STK3: variants seen among roughly 807,000 people sequenced by gnomAD.
STK3 encodes the protein serine/threonine-protein kinase 3.
Under a neutral mutation model 58.0 loss-of-function variants are expected in STK3, and 41 were observed. The observed-to-expected ratio is 0.71, with a 90% CI of 0.55 to 0.92. The LOEUF (loss-of-function observed/expected upper bound fraction) is 0.92. STK3 is among the 40% of genes least tolerant of loss of function. STK3 has a pLI of 0.00. For missense variants in STK3, 479 were observed against 602.7 expected (o/e 0.79, Z 2.15); for synonymous variants, 170 against 191.0 (o/e 0.89, Z 0.91).
intron 8 of STK3, among the ~76,000 whole-genome samples, chr8:98,564,608 G>A (rs945589516): frequency 2.6e-5 from 4 of 152,086 alleles, no homozygotes; most frequent in African/African-American, 7.2e-5. Context: ...TTTCAAAATG[G>A]CAGAAGATTT....
At chr8:98,562,482 A>G (rs988200324) in intron 8 of STK3, among the ~76,000 whole-genome samples, 1 of 152,094 alleles carries the variant, frequency 6.6e-6, no homozygotes, top group Non-Finnish European at 1.5e-5. Context: ...TATAAATGGT[A>G]AACAGATCAG....
intron 6 of STK3, among the ~76,000 whole-genome samples, chr8:98,614,596 G>A (rs1817504772): frequency 6.7e-6 from 1 of 149,658 alleles, no homozygotes; most frequent in South Asian, 2.1e-4. Context: ...AGGCCAGTGG[G>A]TGTGCGCACC....
intron 1 of STK3, among the ~76,000 whole-genome samples, chr8:98,898,795 TA>T (rs2131946511): frequency 6.6e-6 from 1 of 152,286 alleles, no homozygotes; most frequent in South Asian, 2.1e-4. Flanking sequence ...CTCCAGTATT[TA>T]AAACGAAAGA....
At chr8:98,772,420 C>T (rs866981316) in intron 2 of STK3, among the ~76,000 whole-genome samples, 13 of 152,154 alleles carry the variant, frequency 8.5e-5, no homozygotes, top group Middle Eastern at 3.4e-3. Flanking sequence ...TGTGGCAGGC[C>T]GGGTGCAGTG....
At chr8:98,556,841 C>G (rs946309772) in intron 8 of STK3, among the ~76,000 whole-genome samples, 2 of 151,936 alleles carry the variant, frequency 1.3e-5, no homozygotes, top group African/African-American at 4.8e-5. Flanking sequence ...AAGAAATCAC[C>G]AAAGAGGAAT....
chr8:98,429,556 C>T (rs1300018672), intron 3 of STK3: 4 of 620,554 alleles, frequency 6.4e-6, no homozygotes, highest in Non-Finnish European at 1.1e-5. Context: ...ACCCAGGTTT[C>T]TTTTACAGTT....
At chr8:98,721,040 C>A (rs758930001) in intron 4 of STK3, 9 of 940,498 alleles carry the variant, frequency 9.6e-6, no homozygotes, top group Admixed American at 1.2e-4. Flanking sequence ...AACAAATATA[C>A]CTGTTAATGA....
At chr8:98,746,353 G>T (rs1281383524) in intron 4 of STK3, among the ~76,000 whole-genome samples, 2 of 152,102 alleles carry the variant, frequency 1.3e-5, no homozygotes, top group African/African-American at 4.8e-5. Context: ...AGACCCACAG[G>T]AGATTAACAT....
chr8:98,655,000 G>GAA (rs1207671682), intron 6 of STK3, among the ~76,000 whole-genome samples: 2 of 146,858 alleles, frequency 1.4e-5, no homozygotes, highest in Non-Finnish European at 3.0e-5. Context: ...AGTTCATATG[G>GAA]AAAAAAAAAA....
At chr8:98,370,072 C>T (rs1209678155), downstream of STK3, among the ~76,000 whole-genome samples, 1 of 144,254 alleles carries the variant, frequency 6.9e-6, no homozygotes, top group Non-Finnish European at 1.5e-5. Context: ...AGTCAGACAT[C>T]AAAAATGGGA....
chr8:98,746,704 AC>A (rs1829665391), intron 4 of STK3, among the ~76,000 whole-genome samples: 1 of 152,202 alleles, frequency 6.6e-6, no homozygotes, highest in African/African-American at 2.4e-5. Flanking sequence ...AAAAGGAATC[AC>A]TAACCTAGAA....
At chr8:98,451,901 A>C (rs1819217582), downstream of STK3, among the ~76,000 whole-genome samples, 2 of 54,196 alleles carry the variant, frequency 3.7e-5, no homozygotes, top group Admixed American at 2.5e-4. Context: ...AAAAAAAACA[A>C]AAAAAAAAAC....
At chr8:98,649,764 G>A (rs1205603413) in intron 6 of STK3, among the ~76,000 whole-genome samples, 1 of 152,044 alleles carries the variant, frequency 6.6e-6, no homozygotes, top group Admixed American at 6.6e-5. Flanking sequence ...AACTAGAACT[G>A]CAATTAACTT....
intron 1 of STK3, among the ~76,000 whole-genome samples, chr8:98,923,322 C>T (rs527685607): frequency 1.3e-5 from 2 of 152,244 alleles, no homozygotes; most frequent in South Asian, 4.1e-4. Context: ...TTCATCAGAG[C>T]TCCAGTGAAA....
At chr8:98,719,173 T>C (rs1282231013) in intron 4 of STK3, among the ~76,000 whole-genome samples, 1 of 152,076 alleles carries the variant, frequency 6.6e-6, no homozygotes, top group African/African-American at 2.4e-5. Flanking sequence ...GTGGTGGTGC[T>C]GTCATGTGCA....
chr8:98,499,088 C>T (rs891465073), intron 10 of STK3, among the ~76,000 whole-genome samples: 3 of 152,090 alleles, frequency 2.0e-5, no homozygotes, highest in Non-Finnish European at 1.5e-5. Flanking sequence ...AAAAGACAAC[C>T]TTGGAAGCAG....
At chr8:98,588,728 G>T (rs1814930089) in intron 7 of STK3, among the ~76,000 whole-genome samples, 1 of 151,182 alleles carries the variant, frequency 6.6e-6, no homozygotes, top group African/African-American at 2.4e-5. Context: ...ATCACTTTCA[G>T]GTACACCAAT....
chr8:98,429,009 T>A, intron 3 of STK3: 2 of 1,614,040 alleles, frequency 1.2e-6, no homozygotes, highest in Non-Finnish European at 8.5e-7. Context: ...TTCCATCTTC[T>A]CCGTGGTGGC....
chr8:98,718,933 C>CT, intron 4 of STK3, among the ~76,000 whole-genome samples: 1 of 152,182 alleles, frequency 6.6e-6, no homozygotes, highest in South Asian at 2.1e-4. Context: ...TTTGTGAACA[C>CT]TTTGTTCACT....
Sources: allele counts gnomAD v4.1 joint callset (sites outside exome capture counted in the v4.1 genomes callset), GRCh38; gene constraint gnomAD v4.1.1; transcripts MANE v1.5; gene names NCBI Gene and HGNC (gene_info 2026-07-23, HGNC 2026-07-21).